The following CEP152 variants were observed in gnomAD, a reference collection of about 807,000 sequenced individuals.
CEP152 encodes the protein centrosomal protein 152.
In CEP152, 132 loss-of-function variants were observed where a neutral mutation model predicts 188.9. The observed-to-expected ratio is 0.70, with a 90% CI of 0.61 to 0.81. CEP152 has a LOEUF of 0.81. CEP152 is among the 30% of genes least tolerant of loss of function. The pLI is 0.00. For synonymous variants in CEP152, 649 were observed against 666.6 expected, an observed-to-expected ratio of 0.97 and a Z score of 0.41; for missense variants, 1,914 against 1,969.8, an observed-to-expected ratio of 0.97 and a Z score of 0.54.
At chr15:48,763,581 G>A (rs1894850733) in intron 17 of CEP152, among the ~76,000 whole-genome samples, 1 of 152,104 alleles carries the variant, frequency 6.6e-6, no homozygotes, top group Non-Finnish European at 1.5e-5. Context: ...GGCTGAGGCA[G>A]GAGAATCACT....
chr15:48,800,060 T>A (rs1897580329), intron 2 of CEP152, among the ~76,000 whole-genome samples: 1 of 152,160 alleles, frequency 6.6e-6, no homozygotes, highest in Non-Finnish European at 1.5e-5. Context: ...TACATTGTTT[T>A]CCCCGCACAA....
chr15:48,747,899 C>A (rs189664943), intron 22 of CEP152, among the ~76,000 whole-genome samples: 1 of 152,112 alleles, frequency 6.6e-6, no homozygotes, highest in Admixed American at 6.5e-5. Flanking sequence ...CAGACCCTCA[C>A]GCCCTTGTTT....
rs1208144689 is a variant in CEP152 at position 48,797,373 on chromosome 15, A to AC, written c.467dup (p.Gln157SerfsTer6). 3.2e-5 allele frequency: 51 copies of AC among 1,614,004 alleles called. No homozygotes were observed. Among genetic ancestry groups the AC allele is most frequent in the Non-Finnish European group, 4.1e-5 (48 of 1,179,986 alleles). On this transcript the variant is annotated frameshift_variant, in exon 5 of 27. Coordinates refer to ENST00000380950, the MANE Select transcript of CEP152 (RefSeq NM_001194998.2). LOFTEE classifies it high-confidence loss of function. ...CTTGGTTATTAAATTCCTGCTTCTG[A>AC]CCATTGGTATATGGCCTAAAGTTTT...
chr15:48,746,065 T>C lies in CEP152; in HGVS notation c.3635-1073A>G, dbSNP rs566678096. ...TTTTAAACAACTCACTCCCACCCCA[T>C]CTATTTTTTAATAAACGCTACCAAG... On this transcript the variant is annotated intron_variant, in intron 22 of 26. Transcript: ENST00000380950. Among the ~76,000 whole-genome samples, 6 of 152,134 alleles carry C rather than the reference T, an allele frequency of 3.9e-5. No homozygotes were observed. The South Asian group carries it at 6.2e-4, about 16-fold the overall frequency.
rs759553752 is a variant in CEP152 at position 48,745,018 on chromosome 15, T to TA, written c.3635-27dup. 7.9e-6 allele frequency: 12 copies of TA among 1,524,586 alleles called. No individual in the cohort carries two copies. In the East Asian group the frequency reaches 2.8e-4, roughly 35 times the overall value. 94.4% of individuals were successfully genotyped at this position (1,524,586 alleles called of 1,614,324 possible). On this transcript the variant is annotated intron_variant, in intron 22 of 26. Coordinates refer to ENST00000380950, the MANE Select transcript of CEP152 (RefSeq NM_001194998.2). ...CTATAACAGAAAGTTTATAGTATAT[T>TA]AGACAGTTAAAAATTTTTTAAGCCT...
intron 17 of CEP152, chr15:48,765,592 C>G: frequency 2.4e-6 from 1 of 415,718 alleles, no homozygotes; most frequent in Non-Finnish European, 4.6e-6. Context: ...AGAAAATATT[C>G]CTGGAATGAC....
rs759315989 is a variant in CEP152 at position 48,739,139 on chromosome 15, C to T, written c.4243G>A (p.Ala1415Thr). 37 of 1,614,076 alleles carry T rather than the reference C, an allele frequency of 2.3e-5. No individual in the cohort carries two copies. Among genetic ancestry groups the T allele is most frequent in the African/African-American group, 2.7e-5 (2 of 74,932 alleles). The change falls in exon 27 of 27, where the codon GCA becomes ACA. Residue 1415 changes from alanine (A) to threonine (T), a missense_variant. Physicochemically the swap from Ala to Thr is moderately conservative, Grantham distance 58. Transcript: ENST00000380950. The stretch of plus-strand genomic sequence containing the variant: ...AACAGCCTTTGTAAGTTACAAGCTG[C>T]CCTCCTCTTGGGAGCTTGTTCGCAC... ...TLCEQAPKRR[A>T]ACNLQRLLEN...
chr15:48,780,725 T>G (rs1595665736), intron 12 of CEP152, among the ~76,000 whole-genome samples: 1 of 152,202 alleles, frequency 6.6e-6, no homozygotes, highest in Non-Finnish European at 1.5e-5. Flanking sequence ...TTTCCAACAA[T>G]GTTTCTTTCT....
At position 48,767,133 on chromosome 15, in the gene CEP152, A is replaced by G. The variant is rs767225850; in HGVS notation, c.2207T>C (p.Val736Ala). The G allele has an allele frequency of 5.6e-6, 9 of 1,613,650 alleles. No individual in the cohort carries two copies. The Admixed American group carries it at 8.3e-5, about 15-fold the overall frequency. The change falls in exon 17 of 27, where the codon GTG becomes GCG. Residue 736 changes from valine (V) to alanine (A), a missense_variant. Val to Ala is a moderately conservative substitution (Grantham distance 64). Transcript: ENST00000380950. ...TTCTAGATTATCCTTCTCTCTGCAC[A>G]CTTCTAGGTAACATTCCTGCACAGC... ...VTAVQECYLE[V>A]CREKDNLELT...
intron 12 of CEP152, among the ~76,000 whole-genome samples, chr15:48,780,884 C>G (rs948947567): frequency 2.0e-5 from 3 of 152,154 alleles, no homozygotes; most frequent in Non-Finnish European, 4.4e-5. Context: ...CTACAACCAC[C>G]ACTACTCCCT....
Position 48,768,336 on chromosome 15 carries a change from CAA to C in CEP152, c.1909-10_1909-9del, listed in dbSNP as rs762069964. ...TTCAGTTTCTTTAAGTTCCTAGACA[CAA>C]AAGAATAAACTTAGTACTTACAGAA... On this transcript the variant is annotated splice_polypyrimidine_tract_variant and intron_variant, in intron 14 of 26. Coordinates refer to ENST00000380950, the MANE Select transcript of CEP152 (RefSeq NM_001194998.2). 2.1e-6 allele frequency: 3 copies of C among 1,441,728 alleles called. No individual in the cohort carries two copies. The highest frequency in any genetic ancestry group is 1.8e-4 in the Middle Eastern group (1 of 5,654). The allele number at this position is 1,441,728 out of a possible 1,614,324, so 89.3% of individuals were successfully genotyped here.
intron 1 of CEP152, among the ~76,000 whole-genome samples, chr15:48,809,475 A>G (rs1898196304): frequency 6.6e-6 from 1 of 152,192 alleles, no homozygotes; most frequent in Non-Finnish European, 1.5e-5. Context: ...AGAAGAAAGG[A>G]TAGTTTAGAG....
intron 21 of CEP152, among the ~76,000 whole-genome samples, chr15:48,750,513 T>G (rs1335745465): frequency 3.3e-5 from 5 of 152,196 alleles, no homozygotes; most frequent in Admixed American, 6.5e-5. Context: ...CATTAAAGGA[T>G]TAATGAAACA....
intron 17 of CEP152, 54 bp from the exon 18 acceptor site, chr15:48,762,726 C>T (rs978907655): frequency 1.9e-6 from 3 of 1,575,026 alleles, no homozygotes; most frequent in African/African-American, 2.7e-5. Context: ...TAAGTAAAAA[C>T]TAGAATTAAA....
At chr15:48,767,009 T>C in intron 17 of CEP152, 51 bp downstream of exon 17, 2 of 1,605,972 alleles carry the variant, frequency 1.2e-6, no homozygotes, top group East Asian at 2.2e-5. Flanking sequence ...ATGATAATAC[T>C]GAGGCTTGAA....
chr15:48,808,504 A>G (rs1365260300), intron 1 of CEP152, among the ~76,000 whole-genome samples: 1 of 152,160 alleles, frequency 6.6e-6, no homozygotes, highest in Admixed American at 6.5e-5. Context: ...AATCCAATAT[A>G]AAATTGGGCG....
At chr15:48,769,557 C>T (rs1168141364) in intron 13 of CEP152, among the ~76,000 whole-genome samples, 1 of 152,178 alleles carries the variant, frequency 6.6e-6, no homozygotes, top group Non-Finnish European at 1.5e-5. Flanking sequence ...GCAGGAGACA[C>T]ATGATATCAC....
intron 2 of CEP152, among the ~76,000 whole-genome samples, chr15:48,802,066 G>C (rs145661806): frequency 0.035 from 5,262 of 151,400 alleles, 249 homozygotes; most frequent in East Asian, 0.22. Flanking sequence ...CTCCAGCATG[G>C]GCAACAGAGC....
intron 22 of CEP152, 90 bp downstream of exon 22, chr15:48,748,353 G>T: frequency 7.1e-7 from 1 of 1,413,456 alleles, no homozygotes; most frequent in South Asian, 1.7e-5. Flanking sequence ...AAGAGGATCA[G>T]TGCACACATT....
Sources: gnomAD v4.1 joint callset for allele counts (sites outside exome capture counted in the v4.1 genomes callset) on GRCh38, gnomAD v4.1.1 for gene constraint, MANE v1.5 for transcripts, NCBI Gene and HGNC (gene_info 2026-07-23, HGNC 2026-07-21) for gene names.